BBOF1: variants seen among roughly 807,000 people sequenced by gnomAD.
BBOF1 encodes the protein basal body orientation factor 1.
Under a neutral mutation model 68.0 loss-of-function variants are expected in BBOF1, and 62 were observed. The observed-to-expected ratio is 0.91, with a 90% CI of 0.74 to 1.13. BBOF1 has a LOEUF of 1.13. BBOF1 is among the 50% of genes most tolerant of loss of function. BBOF1 has a pLI of 0.00. For missense variants in BBOF1, 534 were observed against 600.1 expected (o/e 0.89, Z 1.15); for synonymous variants, 208 against 198.8 (o/e 1.05, Z -0.39).
Position 74,065,506 on chromosome 14 carries a change from A to T in BBOF1, c.*807A>T, listed in dbSNP as rs930249597. ...TCTTTTCATTTCAAATCACCTATTTAAAAAAAAAGTCCTCTCTCAAGTGTA... is the reference window on the plus strand; with the variant it reads ...TCTTTTCATTTCAAATCACCTATTTTAAAAAAAAGTCCTCTCTCAAGTGTA... On this transcript the variant is annotated 3_prime_UTR_variant, in exon 12 of 12. Transcript: ENST00000394009. The T allele has an allele frequency of 1.7e-5, 12 of 726,524 alleles. No individual in the cohort carries two copies. The highest frequency in any genetic ancestry group is 2.9e-5 in the East Asian group (1 of 33,960). The allele number at this position is 726,524 out of a possible 1,614,324, so 45.0% of individuals were successfully genotyped here.
Position 74,071,935 on chromosome 14 carries a change from T to C in BBOF1, n.1380-6261T>C, listed in dbSNP as rs752309031. 15 of 1,614,038 alleles carry C rather than the reference T, an allele frequency of 9.3e-6. No homozygotes were observed. In the South Asian group the frequency reaches 1.5e-4, roughly 17 times the overall value. Reference sequence around the variant, plus strand: ...ACATCTCCTTCAGCATCAGCTAGGGTCTTCCCTTGTTCCAATGTGATTAAC... The same window carrying C: ...ACATCTCCTTCAGCATCAGCTAGGGCCTTCCCTTGTTCCAATGTGATTAAC... On this transcript the variant is annotated intron_variant and non_coding_transcript_variant, in intron 9 of 12. Transcript: ENST00000492026.
At chr14:74,072,083 G>A in intron 9 of BBOF1, 7 of 1,568,598 alleles carry the variant, frequency 4.5e-6, no homozygotes, top group Middle Eastern at 1.7e-4. Context: ...AAGGGAGAGA[G>A]TCATGATCAA....
intron 11 of BBOF1, chr14:74,060,429 T>G (rs1047800279): frequency 5.3e-6 from 3 of 564,964 alleles, no homozygotes; most frequent in Non-Finnish European, 9.5e-6. Context: ...TACCTCAAAA[T>G]AGAAGTATGA....
At chr14:74,040,708 C>A in intron 5 of BBOF1, 63 bp downstream of exon 5, 1 of 895,884 alleles carries the variant, frequency 1.1e-6, no homozygotes. Flanking sequence ...TATTTATATG[C>A]ATTCTGAAAC....
intron 9 of BBOF1, among the ~76,000 whole-genome samples, chr14:74,072,786 T>G (rs1327077293): frequency 2.6e-5 from 4 of 152,172 alleles, no homozygotes; most frequent in African/African-American, 4.8e-5. Flanking sequence ...TCCCTATCTA[T>G]TCTGTGTGTG....
At chr14:74,068,709 C>G, downstream of BBOF1, 1 of 880,170 alleles carries the variant, frequency 1.1e-6, no homozygotes, top group East Asian at 3.0e-5. Flanking sequence ...TGCCACTGCA[C>G]TCCAGCTTGG....
At chr14:74,042,892 A>G (rs2059858375) in intron 5 of BBOF1, among the ~76,000 whole-genome samples, 1 of 150,820 alleles carries the variant, frequency 6.6e-6, no homozygotes, top group Non-Finnish European at 1.5e-5. Flanking sequence ...ACACACACAC[A>G]CACACACACA....
At chr14:74,060,825 AT>A in intron 11 of BBOF1, 1 of 979,924 alleles carries the variant, frequency 1.0e-6, no homozygotes, top group Non-Finnish European at 1.6e-6. Flanking sequence ...TGAAGGAGGT[AT>A]TATAAAGTGC....
chr14:74,050,010 G>T lies in BBOF1; in HGVS notation c.1101G>T (p.Leu367=), dbSNP rs750138672. 1 of 1,614,112 alleles carries T rather than the reference G, an allele frequency of 6.2e-7. No homozygotes were observed. The highest frequency in any genetic ancestry group is 1.7e-5 in the Admixed American group (1 of 59,996). The change falls in exon 8 of 12, where the codon CTG becomes CTT. Residue 367 remains leucine (L), a synonymous_variant. Coordinates refer to ENST00000394009, the MANE Select transcript of BBOF1 (RefSeq NM_025057.3). ...TGGAAAGATTCTTTTTAGATGCTCT[G>T]CACCAAGTGAAGCAACAGATCCTAA... ...TEVERFFLDA[L]HQVKQQILIS...
At position 74,065,423 on chromosome 14, in the gene BBOF1, A is replaced by C; in HGVS notation, c.*724A>C. The C allele has an allele frequency of 6.8e-7, 1 of 1,480,246 alleles. No homozygotes were observed. The highest frequency in any genetic ancestry group is 9.3e-7 in the Non-Finnish European group (1 of 1,070,406). The allele number at this position is 1,480,246 out of a possible 1,614,324, so 91.7% of individuals were successfully genotyped here. The stretch of plus-strand genomic sequence containing the variant: ...TTTGGATTCTGAGTATTTTATGCTT[A>C]TTTGGTACTTTCACTTACTACACAT... On this transcript the variant is annotated 3_prime_UTR_variant, in exon 12 of 12. Transcript: ENST00000394009.
downstream of BBOF1, chr14:74,066,586 T>C: frequency 9.4e-7 from 1 of 1,063,820 alleles, no homozygotes; most frequent in Non-Finnish European, 1.4e-6. Context: ...AATTGATCAA[T>C]CCTGGCAAGA....
rs1409359440 is a variant in BBOF1, at chr14:74,050,103, A to G, written c.1194A>G (p.Thr398=). Residue 398 remains threonine, a synonymous_variant, in exon 8 of 12, where the codon ACA becomes ACG. Transcript: ENST00000394009. ...ATTTAAAAATGAGAGCAGCATGTAC[A>G]GGAAGAACAGAATATCCCAAAATCA... ...AFNLKMRAAC[T]GRTEYPKIRT... is the part of the protein sequence containing the mutation. The G allele has an allele frequency of 6.2e-7, 1 of 1,613,158 alleles. No individual in the cohort carries two copies.
intron 11 of BBOF1, among the ~76,000 whole-genome samples, chr14:74,062,014 A>T (rs1311583303): frequency 7.0e-6 from 1 of 141,882 alleles, no homozygotes; most frequent in Non-Finnish European, 1.5e-5. Context: ...GCTCAAGACC[A>T]GCCTGGCCCA....
Position 74,061,124 on chromosome 14 carries a change from C to G in BBOF1, c.1579-3564C>G, listed in dbSNP as rs377721904. Among the ~76,000 whole-genome samples, 23 of 148,464 alleles carry G rather than the reference C, an allele frequency of 1.5e-4. No homozygotes were observed. The East Asian group carries it at 2.5e-3, about 16-fold the overall frequency. On this transcript the variant is annotated intron_variant, in intron 11 of 11. Transcript: ENST00000394009. ...TCTCGAGTAGCTGGGATTACAGGCA[C>G]CTGCTACCACGCCTGGCTAATTTTT... is the stretch of plus-strand genomic sequence containing the variant.
chr14:74,079,426 ATTG>A (rs1328871963), intron 10 of BBOF1, among the ~76,000 whole-genome samples: 9 of 128,722 alleles, frequency 7.0e-5, no homozygotes, highest in African/African-American at 2.8e-4. Context: ...TTTTTTTCTT[ATTG>A]TTTTTTTTTT....
chr14:74,082,797 G>T (rs902744665), exon 13 of BBOF1: 2 of 152,116 alleles, frequency 1.3e-5, no homozygotes, highest in Non-Finnish European at 2.9e-5. Context: ...GGTCACTTCA[G>T]AAGTTTCTCC....
chr14:74,079,031 C>G (rs909202292), intron 10 of BBOF1, among the ~76,000 whole-genome samples: 1 of 151,734 alleles, frequency 6.6e-6, no homozygotes, highest in African/African-American at 2.4e-5. Flanking sequence ...TCTGTATATG[C>G]TCCTTGGGTG....
chr14:74,019,394 G>A lies in BBOF1; in HGVS notation c.-85G>A. ...GGCGCGGGTGGGGCATTGCCAGCTC[G>A]GCGTCCCGGTTCCCTTGGAGACAGA... On this transcript the variant is annotated 5_prime_UTR_variant, in exon 1 of 12. Coordinates refer to ENST00000394009, the MANE Select transcript of BBOF1 (RefSeq NM_025057.3). 1 of 1,496,786 alleles carries A rather than the reference G, an allele frequency of 6.7e-7. No homozygotes were observed. Among genetic ancestry groups the A allele is most frequent in the South Asian group, 1.2e-5 (1 of 80,544 alleles). 92.7% of individuals were successfully genotyped at this position (1,496,786 alleles called of 1,614,324 possible).
Position 74,049,941 on chromosome 14 carries a change from T to C in BBOF1, c.1032T>C (p.Arg344=). ...AGATGAAGGACAGGGAAATGAATCG[T>C]GTGAAGAAGCTGGCCAAGAACATAC... ...LLQMKDREMN[R]VKKLAKNILD... Residue 344 remains arginine (R), a synonymous_variant, in exon 8 of 12, where the codon CGT becomes CGC. Coordinates refer to ENST00000394009, the MANE Select transcript of BBOF1 (RefSeq NM_025057.3). 6.2e-7 allele frequency: 1 copy of C among 1,614,140 alleles called. No homozygotes were observed. Among genetic ancestry groups the C allele is most frequent in the South Asian group, 1.1e-5 (1 of 91,080 alleles).
Sources: gnomAD v4.1 joint callset for allele counts (sites outside exome capture counted in the v4.1 genomes callset) on GRCh38, gnomAD v4.1.1 for gene constraint, MANE v1.5 for transcripts, NCBI Gene and HGNC (gene_info 2026-07-23, HGNC 2026-07-21) for gene names.